The following PPP1R11 variants were observed in gnomAD, a reference collection of about 807,000 sequenced individuals.
PPP1R11 encodes the protein E3 ubiquitin-protein ligase PPP1R11.
A neutral mutation model predicts 11.3 loss-of-function variants in PPP1R11; 10 were observed. That is an observed-to-expected ratio of 0.88 (90% CI 0.55 to 1.50). The LOEUF (loss-of-function observed/expected upper bound fraction) is 1.50, where lower values mean the gene tolerates loss of function less well. PPP1R11 is among the 40% of genes most tolerant of loss of function. The probability of loss-of-function intolerance (pLI) is 0.00; values close to 1 mark genes in which losing one functional copy is unlikely to be tolerated. For synonymous variants in PPP1R11, 56 were observed against 62.3 expected (o/e 0.90, Z 0.48); for missense variants, 114 against 179.1 (o/e 0.64, Z 2.07).
chr6:30,061,676 G>A, the PPP1R11 span: 1 of 1,612,956 alleles, frequency 6.2e-7, no homozygotes, highest in African/African-American at 1.3e-5. This position sits in a 1 kb window ranked among gnomAD's most constrained non-coding sequence, Gnocchi z 5.0. Context: ...CGGGGTGAGA[G>A]GCTTGTACGC....
At chr6:30,065,779 A>G (rs1190518068), upstream of PPP1R11, among the ~76,000 whole-genome samples, 19 of 152,132 alleles carry the variant, frequency 1.2e-4, no homozygotes. The surrounding 1 kb of genome is among the most constrained non-coding windows in gnomAD (Gnocchi z 5.3). Flanking sequence ...GTGCTTGTGT[A>G]TATGTATGTG....
At position 30,070,243 on chromosome 6, in the gene PPP1R11, C is replaced by T. The variant is rs554336785; in HGVS notation, c.*937C>T. On this transcript the variant is annotated 3_prime_UTR_variant, in exon 3 of 3. Coordinates refer to ENST00000376772, the MANE Select transcript of PPP1R11 (RefSeq NM_021959.3). ...TTCATTTTCCGGTCCTTTTGCCATACACAGTTACAGAGATCAGTCAAATCC... is the reference window on the plus strand; with the variant it reads ...TTCATTTTCCGGTCCTTTTGCCATATACAGTTACAGAGATCAGTCAAATCC... The T allele has an allele frequency of 5.8e-4, 89 of 153,790 alleles. No homozygotes were observed. Among genetic ancestry groups the T allele is most frequent in the East Asian group, 1.3e-3 (7 of 5,206 alleles). 9.5% of individuals were successfully genotyped at this position (153,790 alleles called of 1,614,324 possible).
chr6:30,061,389 G>A, the PPP1R11 span: 302 of 980,046 alleles, frequency 3.1e-4, 22 homozygotes, highest in East Asian at 1.7e-3. The surrounding 1 kb of genome is among the most constrained non-coding windows in gnomAD (Gnocchi z 5.0). Context: ...TGGTCGCAGA[G>A]GCAGGAGGCG....
rs1765776689 is a variant in PPP1R11 at position 30,069,542 on chromosome 6, C to G, written c.*236C>G. On this transcript the variant is annotated 3_prime_UTR_variant, in exon 3 of 3. Transcript: ENST00000376772. This position sits in a 1 kb window ranked among gnomAD's most constrained non-coding sequence, Gnocchi z 6.6. ...CTTCTCTCTCGAGGGATCTAGGCAC[C>G]TTGGTCCCAGTGTCTTCCTTTTGTT... The G allele has an allele frequency of 2.3e-6, 1 of 435,212 alleles. No individual in the cohort carries two copies. The highest frequency in any genetic ancestry group is 2.0e-5 in the African/African-American group (1 of 49,720). 27.0% of individuals were successfully genotyped at this position (435,212 alleles called of 1,614,324 possible).
chr6:30,062,206 C>T (rs772677373), upstream of PPP1R11: 9 of 1,601,586 alleles, frequency 5.6e-6, no homozygotes, highest in Admixed American at 3.3e-5. Context: ...CCTCCCTAAC[C>T]CACCAGTTTC....
upstream of PPP1R11, among the ~76,000 whole-genome samples, chr6:30,063,208 T>C (rs1250971747): frequency 4.6e-5 from 7 of 152,110 alleles, no homozygotes; most frequent in Non-Finnish European, 1.0e-4. This position sits in a 1 kb window ranked among gnomAD's most constrained non-coding sequence, Gnocchi z 4.1. Flanking sequence ...ATATTCTCTT[T>C]CCCCCATGTT....
upstream of PPP1R11, chr6:30,061,775 G>A: frequency 6.4e-7 from 1 of 1,569,340 alleles, no homozygotes; most frequent in South Asian, 1.1e-5. This position sits in a 1 kb window ranked among gnomAD's most constrained non-coding sequence, Gnocchi z 5.0. Flanking sequence ...AGGACATCAG[G>A]CGGTTGTACA....
At chr6:30,061,507 C>T in the PPP1R11 span, 2 of 1,611,582 alleles carry the variant, frequency 1.2e-6, no homozygotes, top group South Asian at 1.1e-5. The surrounding 1 kb of genome is among the most constrained non-coding windows in gnomAD (Gnocchi z 5.0). Flanking sequence ...TTCCAACTCC[C>T]TCCTCAGACC....
chr6:30,064,771 G>A, upstream of PPP1R11: 2 of 1,342,586 alleles, frequency 1.5e-6, no homozygotes, highest in Non-Finnish European at 2.1e-6. Context: ...TAGATGCCTT[G>A]TCCATCCTGT....
upstream of PPP1R11, among the ~76,000 whole-genome samples, chr6:30,065,410 C>T (rs543507815): frequency 5.8e-4 from 88 of 152,248 alleles, no homozygotes; most frequent in Middle Eastern, 3.4e-3. This position sits in a 1 kb window ranked among gnomAD's most constrained non-coding sequence, Gnocchi z 5.3. Context: ...ATGTGATCCA[C>T]TTCTACTTAA....
intron 1 of PPP1R11, 165 bp from the exon 2 acceptor site, chr6:30,068,421 ACTAT>A: frequency 3.8e-6 from 2 of 528,194 alleles, no homozygotes; most frequent in South Asian, 3.0e-5. Flanking sequence ...TCCTCAAGGG[ACTAT>A]CTGAGGTAAA....
Position 30,069,404 on chromosome 6 carries a change from G to A in PPP1R11, c.*98G>A. The stretch of plus-strand genomic sequence containing the variant: ...CTCCTTCCCTCTCTTCTGCCTGATA[G>A]AGGGAAGAGGAAGAGGAGGACGAAC... On this transcript the variant is annotated 3_prime_UTR_variant, in exon 3 of 3. Coordinates refer to ENST00000376772, the MANE Select transcript of PPP1R11 (RefSeq NM_021959.3). The surrounding 1 kb of genome is among the most constrained non-coding windows in gnomAD (Gnocchi z 6.6). 1 of 993,672 alleles carries A rather than the reference G, an allele frequency of 1.0e-6. No individual in the cohort carries two copies. Among genetic ancestry groups the A allele is most frequent in the Non-Finnish European group, 1.5e-6 (1 of 679,770 alleles). 61.6% of individuals were successfully genotyped at this position (993,672 alleles called of 1,614,324 possible).
intron 1 of PPP1R11, 115 bp downstream of exon 1, chr6:30,067,594 G>A (rs1765635614): frequency 7.7e-7 from 1 of 1,302,898 alleles, no homozygotes; most frequent in Non-Finnish European, 1.1e-6. Flanking sequence ...GGAGGTGTGG[G>A]GTTGAATATC....
At chr6:30,064,941 A>C (rs1452832508), upstream of PPP1R11, 6 of 386,640 alleles carry the variant, frequency 1.6e-5, no homozygotes, top group Non-Finnish European at 2.7e-5. Flanking sequence ...GTCTTATTCC[A>C]AAAGGAATTT....
chr6:30,066,442 G>A (rs1050874155), upstream of PPP1R11, among the ~76,000 whole-genome samples: 8 of 152,100 alleles, frequency 5.3e-5, no homozygotes, highest in Non-Finnish European at 1.0e-4. Flanking sequence ...TGTAATTTAC[G>A]ACCATTTCTC....
chr6:30,063,150 A>ATT (rs138940267), upstream of PPP1R11, among the ~76,000 whole-genome samples: 7,890 of 151,910 alleles, frequency 0.052, 246 homozygotes, highest in Admixed American at 0.068. This position sits in a 1 kb window ranked among gnomAD's most constrained non-coding sequence, Gnocchi z 4.1. Context: ...CTGAGAGTGG[A>ATT]CTTTTTTTTC....
chr6:30,066,960 G>T (rs1013770615), upstream of PPP1R11: 13 of 170,978 alleles, frequency 7.6e-5, no homozygotes, highest in African/African-American at 2.4e-4. Context: ...ACTCTGCAGC[G>T]TCTGGCCCGG....
At chr6:30,061,417 C>G in the PPP1R11 span, 1 of 1,310,078 alleles carries the variant, frequency 7.6e-7, no homozygotes, top group Admixed American at 2.2e-5. This position sits in a 1 kb window ranked among gnomAD's most constrained non-coding sequence, Gnocchi z 5.0. Context: ...CAGGAGGGTT[C>G]GGGTTATATA....
At chr6:30,061,517 C>G in the PPP1R11 span, 1 of 1,612,956 alleles carries the variant, frequency 6.2e-7, no homozygotes. The surrounding 1 kb of genome is among the most constrained non-coding windows in gnomAD (Gnocchi z 5.0). Context: ...CTCCTCAGAC[C>G]CGACCGCATG....
Sources: gnomAD v4.1 joint callset for allele counts (sites outside exome capture counted in the v4.1 genomes callset) on GRCh38, gnomAD v4.1.1 for gene constraint, Gnocchi (gnomAD v3.1) non-coding constraint, MANE v1.5 for transcripts, NCBI Gene and HGNC (gene_info 2026-07-23, HGNC 2026-07-21) for gene names.